Variants in DISC1 observed in about 807,000 individuals in gnomAD.
DISC1 encodes the protein DISC1 scaffold protein, also known as disrupted in schizophrenia 1 protein.
In DISC1, 57 loss-of-function variants were observed where a neutral mutation model predicts 84.5. That is an observed-to-expected ratio of 0.67 (90% CI 0.55 to 0.84). DISC1 has a LOEUF of 0.84. Ranked by LOEUF, DISC1 falls within the 40% of genes least tolerant of loss-of-function variation. The pLI is 0.00. For synonymous variants in DISC1, 411 were observed against 415.2 expected (o/e 0.99, Z 0.12); for missense variants, 1,000 against 1,057.8 (o/e 0.95, Z 0.76).
chr1:231,823,913 A>G lies in DISC1; in HGVS notation c.1981+5396A>G, dbSNP rs143493206. 6.0e-4 allele frequency among the ~76,000 whole-genome samples: 90 copies of G among 151,258 alleles called. 1 individual carries two copies. Among genetic ancestry groups the G allele is most frequent in the African/African-American group, 2.0e-3 (81 of 41,472 alleles). On this transcript the variant is annotated intron_variant, in intron 9 of 12. Transcript: ENST00000439617. ...TTCCCACAAAAAGATCCAGTTTTTC[A>G]GCAGATTTTTAAAGGGGTCATTCTA...
At chr1:231,975,695 G>A (rs1662691901) in intron 10 of DISC1, among the ~76,000 whole-genome samples, 1 of 152,230 alleles carries the variant, frequency 6.6e-6, no homozygotes. Flanking sequence ...AGAATTGGAA[G>A]TCATTATCCG....
intron 10 of DISC1, among the ~76,000 whole-genome samples, chr1:231,964,853 T>G (rs1352553799): frequency 6.6e-6 from 1 of 152,256 alleles, no homozygotes; most frequent in East Asian, 1.9e-4. Flanking sequence ...CTGTTCCCAC[T>G]GTTCAGCGTT....
intron 9 of DISC1, among the ~76,000 whole-genome samples, chr1:231,835,901 C>A (rs201701498): frequency 5.9e-5 from 9 of 152,274 alleles, no homozygotes; most frequent in Non-Finnish European, 1.2e-4. Context: ...ATGTACTAAA[C>A]AACATAGACC....
chr1:231,799,703 G>A (rs1206791698), intron 7 of DISC1, among the ~76,000 whole-genome samples: 3 of 151,606 alleles, frequency 2.0e-5, no homozygotes, highest in Non-Finnish European at 4.4e-5. Flanking sequence ...ATGCAATTAT[G>A]TTACCTTGTG....
chr1:231,909,342 C>G (rs2088978326), intron 9 of DISC1, among the ~76,000 whole-genome samples: 1 of 152,134 alleles, frequency 6.6e-6, no homozygotes, highest in African/African-American at 2.4e-5. Flanking sequence ...TGAGATACAT[C>G]CCATCAATAT....
chr1:231,733,995 C>T (rs1345711843), intron 3 of DISC1, among the ~76,000 whole-genome samples: 1 of 143,588 alleles, frequency 7.0e-6, no homozygotes, highest in Non-Finnish European at 1.5e-5. Context: ...GATGACCTGA[C>T]TGGTGGTGGT....
chr1:231,860,299 T>C (rs976059303), intron 9 of DISC1, among the ~76,000 whole-genome samples: 1 of 152,170 alleles, frequency 6.6e-6, no homozygotes, highest in Non-Finnish European at 1.5e-5. Context: ...GTATCCCTTA[T>C]CTAAAATGCT....
At chr1:231,939,733 G>C (rs554452604) in intron 9 of DISC1, among the ~76,000 whole-genome samples, 1 of 150,604 alleles carries the variant, frequency 6.6e-6, no homozygotes, top group Non-Finnish European at 1.5e-5. Flanking sequence ...TACCTGCCCT[G>C]TTCTCTGCTT....
intron 1 of DISC1, among the ~76,000 whole-genome samples, chr1:231,642,048 C>T (rs562998823): frequency 5.7e-4 from 87 of 152,328 alleles, no homozygotes; most frequent in Non-Finnish European, 9.3e-4. Flanking sequence ...CCACGAAGGG[C>T]GGGGAGGCTC....
intron 1 of DISC1, among the ~76,000 whole-genome samples, chr1:231,661,849 C>G (rs1388224862): frequency 6.6e-6 from 1 of 152,166 alleles, no homozygotes; most frequent in Non-Finnish European, 1.5e-5. Context: ...GTTTTCAGCA[C>G]TGATTCTTTG....
chr1:231,913,204 G>T (rs2089384960), intron 9 of DISC1, among the ~76,000 whole-genome samples: 1 of 152,144 alleles, frequency 6.6e-6, no homozygotes, highest in Admixed American at 6.5e-5. Flanking sequence ...CGCATGCTTT[G>T]TCCCTCTGCC....
intron 10 of DISC1, chr1:231,959,341 T>C: frequency 1.0e-6 from 1 of 985,928 alleles, no homozygotes; most frequent in Non-Finnish European, 1.2e-6. Flanking sequence ...TCTGGTTGCT[T>C]TTTTTAAAAC....
intron 1 of DISC1, among the ~76,000 whole-genome samples, chr1:231,649,590 G>A (rs2060441807): frequency 1.3e-5 from 2 of 152,230 alleles, no homozygotes; most frequent in African/African-American, 4.8e-5. Flanking sequence ...GTGCAGAGCT[G>A]AGTTGAAGTC....
intron 6 of DISC1, among the ~76,000 whole-genome samples, chr1:231,783,348 GA>G (rs2125543998): frequency 6.6e-6 from 1 of 152,272 alleles, no homozygotes; most frequent in South Asian, 2.1e-4. Context: ...AATCATTAAA[GA>G]ACTTGTGAGG....
chr1:231,862,339 T>C (rs971311673), intron 9 of DISC1, among the ~76,000 whole-genome samples: 1 of 152,156 alleles, frequency 6.6e-6, no homozygotes, highest in East Asian at 1.9e-4. Context: ...GGCAACTGTT[T>C]CCCATTGTGA....
At chr1:231,991,796 C>T (rs1436806634) in intron 10 of DISC1, among the ~76,000 whole-genome samples, 3 of 152,152 alleles carry the variant, frequency 2.0e-5, no homozygotes, top group Non-Finnish European at 2.9e-5. Context: ...TGTCCTCCAA[C>T]CCTGAGGAAG....
chr1:232,040,478 T>G lies in DISC1; in HGVS notation c.*3647T>G, dbSNP rs1277925197. The G allele has an allele frequency of 1.3e-5, 2 of 152,052 alleles. No individual in the cohort carries two copies. Among genetic ancestry groups the G allele is most frequent in the Non-Finnish European group, 2.9e-5 (2 of 68,024 alleles). 9.4% of individuals were successfully genotyped at this position (152,052 alleles called of 1,614,324 possible). On this transcript the variant is annotated 3_prime_UTR_variant, in exon 13 of 13. Transcript: ENST00000439617. ...TATCCTATAATCCCCATATCAACCTTATAAGGAAGGTGTTTGTAGATGATG... is the reference window on the plus strand; with the variant it reads ...TATCCTATAATCCCCATATCAACCTGATAAGGAAGGTGTTTGTAGATGATG...
chr1:231,762,616 G>T (rs977353684), intron 4 of DISC1, among the ~76,000 whole-genome samples: 3 of 151,086 alleles, frequency 2.0e-5, no homozygotes, highest in Non-Finnish European at 4.4e-5. Flanking sequence ...CTCCCAAAGT[G>T]CTGGGATGAC....
At chr1:231,985,336 C>CAAAA (rs59619547) in intron 10 of DISC1, among the ~76,000 whole-genome samples, 11 of 99,640 alleles carry the variant, frequency 1.1e-4, no homozygotes, top group South Asian at 3.3e-4. Flanking sequence ...CCCCACCCAC[C>CAAAA]AAAAAAAAAA....
Sources: allele counts gnomAD v4.1 joint callset (sites outside exome capture counted in the v4.1 genomes callset), GRCh38; gene constraint gnomAD v4.1.1; transcripts MANE v1.5; gene names NCBI Gene and HGNC (gene_info 2026-07-23, HGNC 2026-07-21).